CXCL13: variants seen among roughly 807,000 people sequenced by gnomAD.
CXCL13 encodes the protein C-X-C motif chemokine 13.
Under a neutral mutation model 12.2 loss-of-function variants are expected in CXCL13, and 7 were observed. The observed-to-expected ratio is 0.57, with a 90% CI of 0.33 to 1.07. CXCL13 has a LOEUF of 1.07. Ranked by LOEUF, CXCL13 falls within the 50% of genes least tolerant of loss-of-function variation. The probability of loss-of-function intolerance (pLI) is 0.04; values close to 1 mark genes in which losing one functional copy is unlikely to be tolerated. For synonymous variants in CXCL13, 47 were observed against 42.4 expected (o/e 1.11, Z -0.42); for missense variants, 113 against 127.4 (o/e 0.89, Z 0.55).
At chr4:77,610,836 A>G in intron 3 of CXCL13, 142 bp downstream of exon 3, 1 of 893,242 alleles carries the variant, frequency 1.1e-6, no homozygotes, top group Non-Finnish European at 1.8e-6. Context: ...ATTGCTTATC[A>G]GATGGAGTAG....
At position 77,611,483 on chromosome 4, in the gene CXCL13, T is replaced by G. The variant is rs931116832; in HGVS notation, c.*444T>G. The G allele has an allele frequency of 1.0e-5, 4 of 393,242 alleles. No homozygotes were observed. The highest frequency in any genetic ancestry group is 1.8e-5 in the Non-Finnish European group (4 of 223,528). 24.4% of individuals were successfully genotyped at this position (393,242 alleles called of 1,614,324 possible). ...AGCTGCCTGGGAGGCAGATGGAACT[T>G]GAGCCTGTCAAGAGGCAAAGGAATC... On this transcript the variant is annotated 3_prime_UTR_variant, in exon 4 of 4. Coordinates refer to ENST00000682537, the MANE Select transcript of CXCL13 (RefSeq NM_001371558.1).
intron 1 of CXCL13, among the ~76,000 whole-genome samples, chr4:77,547,246 C>T (rs1725388664): frequency 6.6e-6 from 1 of 152,196 alleles, no homozygotes; most frequent in African/African-American, 2.4e-5. Flanking sequence ...TCTGTTAGGT[C>T]TGCTTGGTGC....
intron 1 of CXCL13, among the ~76,000 whole-genome samples, chr4:77,548,873 T>C (rs1725438585): frequency 6.6e-6 from 1 of 152,210 alleles, no homozygotes; most frequent in Admixed American, 6.5e-5. Context: ...TGAATTTGAA[T>C]GTTAGCCTGC....
chr4:77,548,374 A>C (rs1412447980), intron 1 of CXCL13, among the ~76,000 whole-genome samples: 1 of 152,240 alleles, frequency 6.6e-6, no homozygotes, highest in Admixed American at 6.5e-5. Context: ...TGTTCCAGTC[A>C]TGTGCAAGTT....
chr4:77,605,700 C>T (rs909258410), upstream of CXCL13: 12 of 414,362 alleles, frequency 2.9e-5, no homozygotes, highest in East Asian at 7.1e-5. Flanking sequence ...TTTAAAAAAG[C>T]AAGCTCAGCA....
intron 1 of CXCL13, among the ~76,000 whole-genome samples, chr4:77,512,849 T>C (rs1724308531): frequency 6.6e-6 from 1 of 152,170 alleles, no homozygotes. Context: ...TACATAGGTA[T>C]ACATGTGCCG....
chr4:77,523,659 C>T (rs1008795010), intron 1 of CXCL13, among the ~76,000 whole-genome samples: 1 of 152,194 alleles, frequency 6.6e-6, no homozygotes, highest in Admixed American at 6.5e-5. Context: ...TTAGAACATG[C>T]TCCTTTAGCT....
At chr4:77,555,563 A>G (rs1277850508) in intron 1 of CXCL13, among the ~76,000 whole-genome samples, 3 of 152,134 alleles carry the variant, frequency 2.0e-5, no homozygotes, top group Admixed American at 1.3e-4. Context: ...AAATTATAAA[A>G]TGTTTACAAC....
At chr4:77,553,418 T>A (rs1473708999) in intron 1 of CXCL13, among the ~76,000 whole-genome samples, 1 of 152,226 alleles carries the variant, frequency 6.6e-6, no homozygotes, top group African/African-American at 2.4e-5. Context: ...CTGCCCTCAG[T>A]TCCAGGTCTG....
chr4:77,522,673 T>A (rs527867550), intron 1 of CXCL13, among the ~76,000 whole-genome samples: 1 of 151,758 alleles, frequency 6.6e-6, no homozygotes, highest in East Asian at 1.9e-4. Context: ...AATTTATCAG[T>A]TTGTGTGTTT....
chr4:77,567,257 C>G (rs945158176), intron 1 of CXCL13, among the ~76,000 whole-genome samples: 14 of 152,200 alleles, frequency 9.2e-5, no homozygotes, highest in Non-Finnish European at 2.9e-5. Context: ...ATAATCCCAC[C>G]ACCCTTTGCT....
At chr4:77,549,724 G>A (rs1725460504) in intron 1 of CXCL13, among the ~76,000 whole-genome samples, 2 of 152,106 alleles carry the variant, frequency 1.3e-5, no homozygotes, top group Admixed American at 6.5e-5. Flanking sequence ...CATCTCAGAG[G>A]GGCACCCAGC....
intron 1 of CXCL13, among the ~76,000 whole-genome samples, chr4:77,571,188 C>T (rs1018266279): frequency 6.6e-6 from 1 of 151,944 alleles, no homozygotes; most frequent in African/African-American, 2.4e-5. Flanking sequence ...ACACACCAAT[C>T]AGCACCCTGT....
At chr4:77,516,891 T>C (rs1724434965) in intron 1 of CXCL13, among the ~76,000 whole-genome samples, 1 of 152,128 alleles carries the variant, frequency 6.6e-6, no homozygotes. Flanking sequence ...TTCTTTTAAT[T>C]TGATGTTAGG....
chr4:77,550,580 G>A (rs1217741788), intron 1 of CXCL13, among the ~76,000 whole-genome samples: 1 of 152,148 alleles, frequency 6.6e-6, no homozygotes, highest in Non-Finnish European at 1.5e-5. Flanking sequence ...TTGCAGATGA[G>A]AAAAATATAT....
chr4:77,522,906 G>T (rs914121603), intron 1 of CXCL13, among the ~76,000 whole-genome samples: 4 of 152,048 alleles, frequency 2.6e-5, no homozygotes, highest in Admixed American at 2.0e-4. Flanking sequence ...CAGGCCTGGT[G>T]GTGACAAAAT....
At chr4:77,567,650 G>A (rs772656214) in intron 1 of CXCL13, among the ~76,000 whole-genome samples, 1 of 152,198 alleles carries the variant, frequency 6.6e-6, no homozygotes, top group Middle Eastern at 3.4e-3. Flanking sequence ...AAACCAAGAT[G>A]GTGGCAAAAG....
At chr4:77,607,452 G>T (rs1315110339) in intron 1 of CXCL13, among the ~76,000 whole-genome samples, 1 of 152,160 alleles carries the variant, frequency 6.6e-6, no homozygotes, top group Admixed American at 6.5e-5. Context: ...CTTCCAAAGT[G>T]CTGGGATTAC....
At chr4:77,608,707 C>A (rs895743231) in intron 2 of CXCL13, among the ~76,000 whole-genome samples, 1 of 152,160 alleles carries the variant, frequency 6.6e-6, no homozygotes. Context: ...ATCAAAAGTG[C>A]ATATGGTAGT....
Sources: gnomAD v4.1 joint callset for allele counts (sites outside exome capture counted in the v4.1 genomes callset) on GRCh38, gnomAD v4.1.1 for gene constraint, MANE v1.5 for transcripts, NCBI Gene and HGNC (gene_info 2026-07-23, HGNC 2026-07-21) for gene names.